THBS4: variants seen among roughly 807,000 people sequenced by gnomAD.
The protein encoded by THBS4 is thrombospondin-4.
Under a neutral mutation model 115.7 loss-of-function variants are expected in THBS4, and 90 were observed. That is an observed-to-expected ratio of 0.78 (90% CI 0.66 to 0.93). The LOEUF is 0.93. THBS4 is among the 40% of genes least tolerant of loss of function. THBS4 has a pLI of 0.00. For missense variants in THBS4, 1,087 were observed against 1,232.7 expected (o/e 0.88, Z 1.77); for synonymous variants, 460 against 479.3 (o/e 0.96, Z 0.53).
At chr5:80,057,802 T>C (rs896605246) in intron 3 of THBS4, among the ~76,000 whole-genome samples, 4 of 152,250 alleles carry the variant, frequency 2.6e-5, no homozygotes, top group Admixed American at 6.5e-5. Context: ...GAGGCTTTGC[T>C]AGACCCTTGA....
At chr5:80,039,893 G>A (rs534341925) in intron 1 of THBS4, among the ~76,000 whole-genome samples, 184 bp from the exon 2 acceptor site, 1 of 152,322 alleles carries the variant, frequency 6.6e-6, no homozygotes, top group Non-Finnish European at 1.5e-5. Flanking sequence ...TGGCTCAAAT[G>A]TCCAGCCACT....
In THBS4 at chr5:80,080,037, C is replaced by T. The variant is rs143626869; in HGVS notation, c.2644C>T (p.Arg882Cys). The change falls in exon 20 of 22, where the codon CGC (arginine) becomes TGC (cysteine). Residue 882 changes from arginine to cysteine, a missense_variant. Physicochemically the swap from Arg to Cys is radical, Grantham distance 180 (BLOSUM62 -3). This residue lies in a region of THBS4 where 103 missense variants were observed against 108.2 expected (regional missense o/e 0.95). Coordinates refer to ENST00000350881, the MANE Select transcript of THBS4 (RefSeq NM_003248.6). The part of the protein sequence containing the change: ...NVGWKDKVSY[R>C]WFLQHRPQVG... ...GGGCTGGAAGGACAAGGTGTCCTAC[C>T]GCTGGTTCCTACAGCACAGGCCCCA... 3.3e-4 allele frequency: 537 copies of T among 1,613,942 alleles called. No homozygotes were observed. The highest frequency in any genetic ancestry group is 4.2e-4 in the Non-Finnish European group (496 of 1,180,000).
rs147725196 is a variant in THBS4 at position 80,015,534 on chromosome 5, G to T, written n.177+17107G>T. Among the ~76,000 whole-genome samples, 485 of 152,306 alleles carry T rather than the reference G, an allele frequency of 3.2e-3. 3 individuals carry two copies. Among genetic ancestry groups the T allele is most frequent in the Middle Eastern group, 0.01 (3 of 294 alleles). On this transcript the variant is annotated intron_variant and non_coding_transcript_variant, in intron 2 of 3. Coordinates refer to the THBS4 transcript ENST00000510218. ...AAGGATAAGTCCATGTTCTGGTGCCGATCCCTATGCCTTTTGGAACATTTC... is the reference window on the plus strand; with the variant it reads ...AAGGATAAGTCCATGTTCTGGTGCCTATCCCTATGCCTTTTGGAACATTTC...
chr5:80,032,348 G>A (rs1293781936), upstream of THBS4, among the ~76,000 whole-genome samples: 4 of 152,102 alleles, frequency 2.6e-5, no homozygotes, highest in African/African-American at 9.7e-5. Flanking sequence ...TTGTTTTTCC[G>A]TTACACTTAG....
At chr5:80,017,269 G>C (rs1832270568) in intron 2 of THBS4, among the ~76,000 whole-genome samples, 1 of 152,126 alleles carries the variant, frequency 6.6e-6, no homozygotes, top group African/African-American at 2.4e-5. Flanking sequence ...ACTCGAATCT[G>C]AAAGAAATTT....
At chr5:80,053,299 T>A (rs2112076347) in intron 2 of THBS4, among the ~76,000 whole-genome samples, 1 of 152,304 alleles carries the variant, frequency 6.6e-6, no homozygotes, top group Non-Finnish European at 1.5e-5. Context: ...AATTATACTG[T>A]AATTTAAGTA....
intron 2 of THBS4, chr5:80,052,528 T>G (rs1833288255): frequency 6.6e-6 from 1 of 152,228 alleles, no homozygotes; most frequent in African/African-American, 2.4e-5. Flanking sequence ...AGTATTGTTC[T>G]GGAATCAGAA....
upstream of THBS4, among the ~76,000 whole-genome samples, chr5:80,034,305 A>G (rs544861386): frequency 2.4e-4 from 36 of 152,358 alleles, no homozygotes; most frequent in Non-Finnish European, 2.6e-4. Context: ...AATTGGTGTC[A>G]GGTTATTTTA....
At chr5:80,022,488 GA>G (rs968119895) in intron 2 of THBS4, among the ~76,000 whole-genome samples, 3 of 151,016 alleles carry the variant, frequency 2.0e-5, no homozygotes, top group Non-Finnish European at 4.4e-5. Context: ...AGCAAGTTTT[GA>G]AAAAAAAATT....
chr5:80,061,781 A>C lies in THBS4; in HGVS notation c.1074A>C (p.Thr358=). Residue 358 remains threonine, a synonymous_variant, in exon 8 of 22, where the codon ACA becomes ACC. Coordinates refer to ENST00000350881, the MANE Select transcript of THBS4 (RefSeq NM_003248.6). ...FRCDACPVGF[T]GPMVQGVGIS... ...GTGACGCCTGCCCAGTGGGCTTCAC[A>C]GGGCCCATGGTGCAGGGTGTTGGGA... 1 of 1,614,094 alleles carries C rather than the reference A, an allele frequency of 6.2e-7. No individual in the cohort carries two copies. Among genetic ancestry groups the C allele is most frequent in the South Asian group, 1.1e-5 (1 of 91,076 alleles).
intron 2 of THBS4, among the ~76,000 whole-genome samples, chr5:80,010,625 T>C (rs186888581): frequency 1.3e-5 from 2 of 152,312 alleles, no homozygotes; most frequent in East Asian, 3.9e-4. Flanking sequence ...GACTCTGAGA[T>C]GGAGATTAGT....
At chr5:80,080,946 C>T (rs1368715532) in intron 20 of THBS4, among the ~76,000 whole-genome samples, 3 of 152,116 alleles carry the variant, frequency 2.0e-5, no homozygotes, top group Non-Finnish European at 4.4e-5. Context: ...ATCTACTACA[C>T]GTGGCATGAA....
At chr5:80,004,604 A>G (rs185478477) in intron 2 of THBS4, among the ~76,000 whole-genome samples, 1 of 152,312 alleles carries the variant, frequency 6.6e-6, no homozygotes, top group East Asian at 1.9e-4. Context: ...GCAAAGCCAC[A>G]ACTTTTCGTA....
chr5:80,058,423 C>G (rs1833505412), intron 4 of THBS4, 109 bp downstream of exon 4: 1 of 745,356 alleles, frequency 1.3e-6, no homozygotes, highest in Admixed American at 2.6e-5. Flanking sequence ...AGCAGCCCAA[C>G]AAAACGTATC....
chr5:79,991,367 A>G (rs191201787), exon 1 of THBS4: 2 of 819,220 alleles, frequency 2.4e-6, no homozygotes, highest in Non-Finnish European at 1.9e-6. Context: ...AGAAACAACG[A>G]CTGGAGGGAT....
chr5:80,009,803 G>C (rs1187827497), intron 2 of THBS4, among the ~76,000 whole-genome samples: 1 of 152,080 alleles, frequency 6.6e-6, no homozygotes, highest in Non-Finnish European at 1.5e-5. Flanking sequence ...AAATTTAGGG[G>C]CCAAGTGTCC....
At position 80,076,930 on chromosome 5, in the gene THBS4, G is replaced by C. The variant is rs753944901; in HGVS notation, c.1968G>C (p.Lys656Asn). 6 of 1,613,874 alleles carry C rather than the reference G, an allele frequency of 3.7e-6. No individual in the cohort carries two copies. The Admixed American group carries it at 1.0e-4, about 27-fold the overall frequency. ...ACAGTGCCCAGCTGGACACCGATAA[G>C]GATGGAATTGGTGACGAGTGTGATG... is the stretch of plus-strand genomic sequence containing the variant. ...VINSAQLDTD[K>N]DGIGDECDDD... The change falls in exon 16 of 22, where the codon AAG becomes AAC. Residue 656 changes from lysine to asparagine, a missense_variant. Lys to Asn is a moderately conservative substitution (Grantham distance 94). Around this residue, in one of 3 missense-constraint regions of THBS4, gnomAD observed 979 missense variants for 1,103.7 expected, o/e 0.89. Transcript: ENST00000350881.
At chr5:80,075,006 C>A (rs573727298) in intron 15 of THBS4, among the ~76,000 whole-genome samples, 35 of 152,274 alleles carry the variant, frequency 2.3e-4, no homozygotes, top group African/African-American at 6.5e-4. Context: ...ATACTCAAGT[C>A]CCTTATATAA....
intron 2 of THBS4, among the ~76,000 whole-genome samples, chr5:80,005,762 A>ATT (rs567389394): frequency 2.4e-3 from 292 of 119,788 alleles, no homozygotes; most frequent in African/African-American, 3.5e-3. Flanking sequence ...TGTTTGTGGC[A>ATT]TTTTTTTTTT....
Sources: gnomAD v4.1 joint callset for allele counts (sites outside exome capture counted in the v4.1 genomes callset) on GRCh38, gnomAD v4.1.1 for gene constraint, gnomAD v4.1.1 regional missense constraint, MANE v1.5 for transcripts, NCBI Gene and HGNC (gene_info 2026-07-23, HGNC 2026-07-21) for gene names.